HECW2: variants seen among roughly 807,000 people sequenced by gnomAD.
The protein encoded by HECW2 is E3 ubiquitin-protein ligase HECW2.
In HECW2, 61 loss-of-function variants were observed where a neutral mutation model predicts 175.2. The ratio of observed to expected loss-of-function variants is 0.35; its 90% CI spans 0.28 to 0.43. The LOEUF is 0.43. Ranked by LOEUF, HECW2 falls within the 20% of genes least tolerant of loss-of-function variation. HECW2 has a pLI of 1.00. For missense variants in HECW2, 1,524 were observed against 2,000.5 expected (o/e 0.76, Z 4.54); for synonymous variants, 671 against 731.0 (o/e 0.92, Z 1.32).
At chr2:196,457,077 A>T (rs1238989333) in intron 1 of HECW2, among the ~76,000 whole-genome samples, 1 of 152,230 alleles carries the variant, frequency 6.6e-6, no homozygotes, top group Non-Finnish European at 1.5e-5. Flanking sequence ...ATCTGGAAAG[A>T]ATCAACAGTG....
At chr2:196,234,581 C>T (rs548207220) in intron 21 of HECW2, among the ~76,000 whole-genome samples, 1 of 152,224 alleles carries the variant, frequency 6.6e-6, no homozygotes, top group South Asian at 2.1e-4. Flanking sequence ...AGGTATGAGC[C>T]ACCATGCCTA....
At chr2:196,325,314 A>G (rs1692107600) in intron 5 of HECW2, among the ~76,000 whole-genome samples, 165 bp from the exon 6 acceptor site, 1 of 151,918 alleles carries the variant, frequency 6.6e-6, no homozygotes, top group Admixed American at 6.6e-5. Flanking sequence ...AACACACAGG[A>G]GGCTCTAAAC....
intron 1 of HECW2, among the ~76,000 whole-genome samples, chr2:196,497,193 A>C (rs1687423202): frequency 6.6e-6 from 1 of 152,226 alleles, no homozygotes; most frequent in Non-Finnish European, 1.5e-5. Context: ...GTTTAGACCA[A>C]GTCATCCACT....
intron 2 of HECW2, among the ~76,000 whole-genome samples, chr2:196,367,876 T>TGTGTTTG (rs1553508124): frequency 6.9e-6 from 1 of 144,904 alleles, no homozygotes; most frequent in African/African-American, 2.6e-5. Context: ...GTGTGTGTGT[T>TGTGTTTG]TGTGTGTGTG....
At chr2:196,480,294 T>C (rs1686796921) in intron 1 of HECW2, among the ~76,000 whole-genome samples, 1 of 152,232 alleles carries the variant, frequency 6.6e-6, no homozygotes, top group Non-Finnish European at 1.5e-5. Flanking sequence ...TTATACTTGG[T>C]TATCCTAACA....
chr2:196,288,443 C>T (rs1376778183), intron 14 of HECW2: 2 of 152,174 alleles, frequency 1.3e-5, no homozygotes, highest in Non-Finnish European at 2.9e-5. Context: ...TGATCAAGAA[C>T]AACATGGACA....
intron 15 of HECW2, among the ~76,000 whole-genome samples, chr2:196,276,858 G>A (rs976577796): frequency 3.9e-5 from 6 of 152,086 alleles, no homozygotes; most frequent in African/African-American, 1.4e-4. Flanking sequence ...TAAATCACGA[G>A]GGGAAATTCC....
intron 2 of HECW2, among the ~76,000 whole-genome samples, chr2:196,414,784 C>T (rs143651626): frequency 9.9e-4 from 151 of 152,280 alleles, no homozygotes; most frequent in Middle Eastern, 3.4e-3. Flanking sequence ...CCACAAGAAT[C>T]ATGTGTTCTT....
intron 2 of HECW2, among the ~76,000 whole-genome samples, chr2:196,417,068 T>C (rs1416240581): frequency 6.6e-6 from 1 of 152,260 alleles, no homozygotes; most frequent in Admixed American, 6.5e-5. Context: ...AGCAACCAGG[T>C]ACACATTACT....
chr2:196,460,832 C>T (rs982229260), intron 1 of HECW2, among the ~76,000 whole-genome samples: 1 of 145,050 alleles, frequency 6.9e-6, no homozygotes, highest in Non-Finnish European at 1.5e-5. Flanking sequence ...ACTATGTTGC[C>T]CAGGCTGGTA....
At chr2:196,530,731 A>G (rs992378401) in intron 1 of HECW2, among the ~76,000 whole-genome samples, 2 of 152,204 alleles carry the variant, frequency 1.3e-5, no homozygotes, top group African/African-American at 4.8e-5. Context: ...TCTTACTGGC[A>G]TTGCAAGGAC....
chr2:196,203,030 T>C (rs1686923852), intron 28 of HECW2, among the ~76,000 whole-genome samples: 1 of 152,178 alleles, frequency 6.6e-6, no homozygotes, highest in Admixed American at 6.5e-5. Flanking sequence ...CACCCTGTCA[T>C]ATGAGGTCAG....
intron 13 of HECW2, among the ~76,000 whole-genome samples, chr2:196,303,706 T>C (rs547757141): frequency 3.3e-5 from 5 of 152,364 alleles, no homozygotes; most frequent in Admixed American, 2.0e-4. Context: ...GAGGTGTTTA[T>C]AGTATTCTCT....
At chr2:196,427,315 AAAAT>A (rs35336763) in intron 2 of HECW2, among the ~76,000 whole-genome samples, 134,750 of 151,950 alleles carry the variant, frequency 0.89, 61,065 homozygotes, top group East Asian at 1. Context: ...GCAAAATTAA[AAAAT>A]AAATAATTGT....
chr2:196,554,713 C>T (rs939779744), intron 1 of HECW2, among the ~76,000 whole-genome samples: 2 of 152,214 alleles, frequency 1.3e-5, no homozygotes, highest in African/African-American at 4.8e-5. Flanking sequence ...ACTTTAATTT[C>T]CACCAGCTTC....
chr2:196,464,771 G>A (rs920979203), intron 1 of HECW2, among the ~76,000 whole-genome samples: 1 of 152,230 alleles, frequency 6.6e-6, no homozygotes, highest in Non-Finnish European at 1.5e-5. Context: ...GCCAGGCACG[G>A]TGGCTCACGC....
At chr2:196,540,406 T>A (rs926383401) in intron 1 of HECW2, among the ~76,000 whole-genome samples, 8 of 152,118 alleles carry the variant, frequency 5.3e-5, no homozygotes, top group Non-Finnish European at 7.4e-5. Context: ...GGGGTATTTG[T>A]GTTTAAGGAA....
intron 28 of HECW2, among the ~76,000 whole-genome samples, chr2:196,207,787 C>T (rs1687125094): frequency 6.6e-6 from 1 of 152,164 alleles, no homozygotes; most frequent in African/African-American, 2.4e-5. Context: ...TAATTAATGT[C>T]TTATTCCAAA....
At chr2:196,458,208 T>C (rs938560907) in intron 1 of HECW2, among the ~76,000 whole-genome samples, 5 of 152,096 alleles carry the variant, frequency 3.3e-5, no homozygotes, top group Non-Finnish European at 5.9e-5. Context: ...AGGTCAAGGC[T>C]GCAGTGAGCC....
Sources: allele counts gnomAD v4.1 joint callset (sites outside exome capture counted in the v4.1 genomes callset), GRCh38; gene constraint gnomAD v4.1.1; transcripts MANE v1.5; gene names NCBI Gene and HGNC (gene_info 2026-07-23, HGNC 2026-07-21).